Variants in CEP44 observed in about 807,000 individuals in gnomAD.
The protein encoded by CEP44 is centrosomal protein of 44 kDa.
CEP44 carries 45 observed loss-of-function variants against 46.7 expected under a neutral mutation model. The ratio of observed to expected loss-of-function variants is 0.96; its 90% confidence interval spans 0.76 to 1.24. The LOEUF (loss-of-function observed/expected upper bound fraction) is 1.24. Ranked by LOEUF, CEP44 falls within the 50% of genes most tolerant of loss-of-function variation. The pLI is 0.00. For missense variants in CEP44, 475 were observed against 459.7 expected (o/e 1.03, Z -0.30); for synonymous variants, 142 against 146.0 (o/e 0.97, Z 0.20).
At chr4:174,293,887 T>C (rs991732788) in intron 1 of CEP44, among the ~76,000 whole-genome samples, 1 of 152,198 alleles carries the variant, frequency 6.6e-6, no homozygotes, top group African/African-American at 2.4e-5. Flanking sequence ...GGGGGAAGTA[T>C]ACAGTTTCTC....
Position 174,287,411 on chromosome 4 carries a change from G to C in CEP44, c.-148+3468G>C, listed in dbSNP as rs1264964509. On this transcript the variant is annotated intron_variant, in intron 1 of 11. Transcript: ENST00000503780. The surrounding 1 kb of genome is among the most constrained non-coding windows in gnomAD (Gnocchi z 5.1). ...GGTGACATTTAAGCAGGATGCCGAG[G>C]GGTATTAGCCAGATGGAGAATGGGA... Among the ~76,000 whole-genome samples the C allele has an allele frequency of 1.3e-5, 2 of 152,224 alleles. No homozygotes were observed. Among genetic ancestry groups the C allele is most frequent in the East Asian group, 3.9e-4 (2 of 5,172 alleles).
Position 174,317,328 on chromosome 4 carries a change from AT to A in CEP44, c.1125-4del. On this transcript the variant is annotated splice_region_variant and splice_polypyrimidine_tract_variant and intron_variant, in intron 11 of 11. Transcript: ENST00000503780. The stretch of plus-strand genomic sequence containing the variant: ...ATTTACTTAATATATTATTTATTAT[AT>A]TTCAGGTTTGAAGAAACTGCAGAGT... The A allele has an allele frequency of 8.3e-7, 1 of 1,212,088 alleles. No homozygotes were observed. The highest frequency in any genetic ancestry group is 1.1e-6 in the Non-Finnish European group (1 of 884,658). 75.1% of individuals were successfully genotyped at this position (1,212,088 alleles called of 1,614,324 possible). A position where few individuals can be genotyped will look rare whatever the true frequency, so the allele number is the denominator to read the frequency against.
At chr4:174,324,681 C>T (rs1282033671), downstream of CEP44, among the ~76,000 whole-genome samples, 1 of 152,126 alleles carries the variant, frequency 6.6e-6, no homozygotes, top group Non-Finnish European at 1.5e-5. Context: ...CCCCTCCTCA[C>T]TCTCCTTCCA....
chr4:174,292,436 A>G (rs1738344140), intron 1 of CEP44, among the ~76,000 whole-genome samples: 1 of 152,160 alleles, frequency 6.6e-6, no homozygotes, highest in Non-Finnish European at 1.5e-5. Flanking sequence ...GCCATAATCT[A>G]AATGTGCTTT....
chr4:174,296,939 G>C (rs2126554922), intron 1 of CEP44, among the ~76,000 whole-genome samples: 1 of 151,732 alleles, frequency 6.6e-6, no homozygotes, highest in East Asian at 1.9e-4. Context: ...TATATTTTCT[G>C]GGAGAATTAA....
At position 174,304,250 on chromosome 4, in the gene CEP44, C is replaced by G. The variant is rs1365423362; in HGVS notation, c.388C>G (p.Pro130Ala). Reference sequence around the variant, plus strand: ...TGACTAATACCTTTTTTTTTAGATTCCATCACAACAAAGAAAGAAAATCAG... The same window carrying G: ...TGACTAATACCTTTTTTTTTAGATTGCATCACAACAAAGAAAGAAAATCAG... ...HKELSSLQKI[P>A]SQQRKKISSG... The change falls in exon 6 of 12, where the codon CCA becomes GCA. Residue 130 changes from proline to alanine, a missense_variant. Pro to Ala is a conservative substitution (Grantham distance 27, BLOSUM62 -1). Transcript: ENST00000503780. The G allele has an allele frequency of 1.9e-6, 3 of 1,575,456 alleles. No homozygotes were observed. In the South Asian group the frequency reaches 3.6e-5, roughly 19 times the overall value.
In CEP44 at chr4:174,309,792, A is replaced by T; in HGVS notation, c.679-58A>T. ...AACGCTGTGGAAGTGAGAATACATT[A>T]ATTTTAAAGAAATTTCAGTTTGTTT... On this transcript the variant is annotated intron_variant, in intron 7 of 11. Coordinates refer to ENST00000503780, the MANE Select transcript of CEP44 (RefSeq NM_001040157.3). This position sits in a 1 kb window ranked among gnomAD's most constrained non-coding sequence, Gnocchi z 5.3. The T allele has an allele frequency of 8.4e-7, 1 of 1,189,332 alleles. No homozygotes were observed. Among genetic ancestry groups the T allele is most frequent in the Non-Finnish European group, 1.2e-6 (1 of 830,902 alleles). The allele number at this position is 1,189,332 out of a possible 1,614,324, so 73.7% of individuals were successfully genotyped here.
In CEP44 at chr4:174,331,696, C is replaced by T. The variant is rs1414533774; in HGVS notation, c.*101C>T. On this transcript the variant is annotated 3_prime_UTR_variant, in exon 9 of 9. Coordinates refer to the CEP44 transcript ENST00000426172. This position sits in a 1 kb window ranked among gnomAD's most constrained non-coding sequence, Gnocchi z 4.5. ...CAGAATTCTGCCTGGAAACCAGCTT[C>T]CTCCTCAGCTCCAGCTCTTTTAATG... 3 of 1,433,868 alleles carry T rather than the reference C, an allele frequency of 2.1e-6. No individual in the cohort carries two copies. The highest frequency in any genetic ancestry group is 1.4e-5 in the African/African-American group (1 of 70,600). 88.8% of individuals were successfully genotyped at this position (1,433,868 alleles called of 1,614,324 possible). A position where few individuals can be genotyped will look rare whatever the true frequency, so the allele number is the denominator to read the frequency against.
chr4:174,329,341 G>C lies in CEP44; in HGVS notation c.1087-2141G>C, dbSNP rs370635002. On this transcript the variant is annotated intron_variant, in intron 8 of 8. Transcript: ENST00000426172. This position sits in a 1 kb window ranked among gnomAD's most constrained non-coding sequence, Gnocchi z 4.0. Reference sequence around the variant, plus strand: ...TTGCTCAAACACAGACACACACACAGACACACACACACACACACATTTTAA... The same window carrying C: ...TTGCTCAAACACAGACACACACACACACACACACACACACACACATTTTAA... Among the ~76,000 whole-genome samples the C allele has an allele frequency of 7.3e-5, 11 of 150,216 alleles. No homozygotes were observed. Among genetic ancestry groups the C allele is most frequent in the African/African-American group, 1.5e-4 (6 of 40,898 alleles).
intron 10 of CEP44, 110 bp downstream of exon 10, chr4:174,316,400 C>T: frequency 7.2e-7 from 1 of 1,387,144 alleles, no homozygotes; most frequent in Non-Finnish European, 1.0e-6. Flanking sequence ...ATCTTAGTCT[C>T]TCAAAATTCT....
chr4:174,292,038 G>C (rs1738295145), intron 1 of CEP44, among the ~76,000 whole-genome samples: 1 of 151,784 alleles, frequency 6.6e-6, no homozygotes, highest in Non-Finnish European at 1.5e-5. Context: ...CAATCTGCCT[G>C]CCCTCAGCCT....
chr4:174,318,514 T>A lies in CEP44; in HGVS notation c.*1131T>A, dbSNP rs1212523982. 1.2e-6 allele frequency: 1 copy of A among 823,514 alleles called. No homozygotes were observed. Among genetic ancestry groups the A allele is most frequent in the Non-Finnish European group, 1.5e-6 (1 of 682,370 alleles). 51.0% of individuals were successfully genotyped at this position (823,514 alleles called of 1,614,324 possible). On this transcript the variant is annotated 3_prime_UTR_variant, in exon 12 of 12. Coordinates refer to ENST00000503780, the MANE Select transcript of CEP44 (RefSeq NM_001040157.3). The stretch of plus-strand genomic sequence containing the variant: ...ATTTATTTTTAATATTACTACTATA[T>A]GAATTATCTTTTTTTAAACTTGTAG...
intron 9 of CEP44, 64 bp from the exon 10 acceptor site, chr4:174,316,102 T>C: frequency 1.3e-6 from 2 of 1,561,168 alleles, no homozygotes; most frequent in Non-Finnish European, 1.7e-6. Context: ...CTGTAAATAA[T>C]ATTTTTAGAT....
downstream of CEP44, among the ~76,000 whole-genome samples, chr4:174,321,263 C>T (rs1380777200): frequency 6.6e-6 from 1 of 152,114 alleles, no homozygotes; most frequent in Non-Finnish European, 1.5e-5. Context: ...TGAATCTAAG[C>T]CTTCAAATTC....
chr4:174,289,595 C>T (rs773529038), intron 1 of CEP44, among the ~76,000 whole-genome samples: 3 of 151,760 alleles, frequency 2.0e-5, no homozygotes, highest in Non-Finnish European at 4.4e-5. Flanking sequence ...ATTGTGTCCT[C>T]TTTCATTTCT....
In CEP44 at chr4:174,318,657, CTATT is replaced by C. The variant is rs1424980220; in HGVS notation, c.*1278_*1281del. The C allele has an allele frequency of 7.0e-6, 4 of 574,978 alleles. No homozygotes were observed. The highest frequency in any genetic ancestry group is 1.6e-4 in the South Asian group (2 of 12,372). The allele number at this position is 574,978 out of a possible 1,614,324, so 35.6% of individuals were successfully genotyped here. A position where few individuals can be genotyped will look rare whatever the true frequency, so the allele number is the denominator to read the frequency against. ...ATCTGATTATATTTTATTTATTCATCTATTTATGGTATGTATGTATAATTCTATA... is the reference window on the plus strand; with the variant it reads ...ATCTGATTATATTTTATTTATTCATCTATGGTATGTATGTATAATTCTATA... On this transcript the variant is annotated 3_prime_UTR_variant, in exon 12 of 12. Coordinates refer to ENST00000503780, the MANE Select transcript of CEP44 (RefSeq NM_001040157.3).
chr4:174,289,460 T>G (rs1394441141), intron 1 of CEP44, among the ~76,000 whole-genome samples: 1 of 152,028 alleles, frequency 6.6e-6, no homozygotes, highest in Non-Finnish European at 1.5e-5. Flanking sequence ...CTATTTCTTC[T>G]TGATTCAGTC....
chr4:174,317,733 C>T lies in CEP44; in HGVS notation c.*350C>T. ...GCACAGGCTTGAGGACTATGGTTTACATCCTGTTGGAAACATTCCAAATGG... is the reference window on the plus strand; with the variant it reads ...GCACAGGCTTGAGGACTATGGTTTATATCCTGTTGGAAACATTCCAAATGG... On this transcript the variant is annotated 3_prime_UTR_variant, in exon 12 of 12. Transcript: ENST00000503780. The T allele has an allele frequency of 1.0e-6, 1 of 990,418 alleles. No individual in the cohort carries two copies. The highest frequency in any genetic ancestry group is 1.2e-6 in the Non-Finnish European group (1 of 833,090). The allele number at this position is 990,418 out of a possible 1,614,324, so 61.4% of individuals were successfully genotyped here.
chr4:174,327,960 C>T (rs953304070), intron 8 of CEP44, among the ~76,000 whole-genome samples: 8 of 152,048 alleles, frequency 5.3e-5, no homozygotes, highest in African/African-American at 1.9e-4. Flanking sequence ...ATCTTTATAA[C>T]TTTGGGTGGG....
Sources: allele counts gnomAD v4.1 joint callset (sites outside exome capture counted in the v4.1 genomes callset), GRCh38; gene constraint gnomAD v4.1.1; non-coding constraint Gnocchi (gnomAD v3.1); transcripts MANE v1.5; gene names NCBI Gene and HGNC (gene_info 2026-07-23, HGNC 2026-07-21).